Variants in INTS9 observed in about 807,000 individuals in gnomAD.
INTS9 encodes protein related to CPSF subunits of 74 kDa.
A neutral mutation model predicts 79.7 loss-of-function variants in INTS9; 55 were observed. That is an observed-to-expected ratio of 0.69 (90% CI 0.56 to 0.86). The LOEUF (loss-of-function observed/expected upper bound fraction) is 0.86. Among genes scored for constraint, INTS9 ranks in the 40% least tolerant of loss-of-function variants. The pLI is 0.00. For synonymous variants in INTS9, 319 were observed against 325.2 expected, an observed-to-expected ratio of 0.98 and a Z score of 0.20; for missense variants, 721 against 831.5, an observed-to-expected ratio of 0.87 and a Z score of 1.64.
intron 8 of INTS9, among the ~76,000 whole-genome samples, chr8:28,805,887 A>G (rs1804778423): frequency 6.6e-6 from 1 of 152,150 alleles, no homozygotes; most frequent in South Asian, 2.1e-4. Flanking sequence ...TACAATAGTC[A>G]TCACAAGAAA....
intron 13 of INTS9, chr8:28,776,391 T>C (rs1247739860): frequency 5.2e-5 from 8 of 153,188 alleles, no homozygotes; most frequent in African/African-American, 1.9e-4. Context: ...CCTCAGCTCA[T>C]GTGCTCACCA....
intron 9 of INTS9, among the ~76,000 whole-genome samples, chr8:28,795,206 G>A (rs1804138442): frequency 6.6e-6 from 1 of 152,178 alleles, no homozygotes. Context: ...GTTACGGACT[G>A]AATGTGTGTG....
Position 28,784,162 on chromosome 8 carries a change from A to G in INTS9, c.1099-3168T>C, listed in dbSNP as rs113795954. Reference sequence around the variant, plus strand: ...AACATTACCAAGGGTTGACTCCCTCATGCCCTAACAACGACAAGTGCACCT... The same window carrying G: ...AACATTACCAAGGGTTGACTCCCTCGTGCCCTAACAACGACAAGTGCACCT... On this transcript the variant is annotated intron_variant, in intron 11 of 16. Transcript: ENST00000521022. Among the ~76,000 whole-genome samples the G allele has an allele frequency of 3.3e-3, 502 of 152,344 alleles. 1 individual carries two copies. The highest frequency in any genetic ancestry group is 5.2e-3 in the Non-Finnish European group (355 of 68,034).
Position 28,837,760 on chromosome 8 carries a change from A to G in INTS9, c.278T>C (p.Leu93Pro). 6.2e-7 allele frequency: 1 copy of G among 1,613,194 alleles called. No homozygotes were observed. The highest frequency in any genetic ancestry group is 8.5e-7 in the Non-Finnish European group (1 of 1,179,268). The change falls in exon 5 of 17, where the codon CTG (leucine) becomes CCG (proline). Residue 93 changes from leucine to proline, a missense_variant. Coordinates refer to ENST00000521022, the MANE Select transcript of INTS9 (RefSeq NM_018250.4). ...FCLPETELID[L>P]STVDVILISN... ...GATGAGAATCACATCTACTGTAGAC[A>G]GATCTATTAGCTCCGTCTGAAAAGA...
chr8:28,806,704 C>T (rs1804836637), intron 8 of INTS9, among the ~76,000 whole-genome samples: 1 of 152,170 alleles, frequency 6.6e-6, no homozygotes, highest in Non-Finnish European at 1.5e-5. Context: ...TGCTTAAAAA[C>T]ATTTCCTCTA....
chr8:28,816,231 C>T (rs1805469687), intron 6 of INTS9, among the ~76,000 whole-genome samples: 1 of 151,024 alleles, frequency 6.6e-6, no homozygotes, highest in South Asian at 2.1e-4. Flanking sequence ...TATACATGTG[C>T]CATGCTGGTG....
chr8:28,773,161 A>G (rs1042298762), intron 14 of INTS9, among the ~76,000 whole-genome samples: 1 of 152,182 alleles, frequency 6.6e-6, no homozygotes, highest in African/African-American at 2.4e-5. Flanking sequence ...AAAACCAGAA[A>G]TGAAAATCTG....
intron 6 of INTS9, among the ~76,000 whole-genome samples, chr8:28,831,320 A>G (rs1806475746): frequency 6.6e-6 from 1 of 152,054 alleles, no homozygotes; most frequent in African/African-American, 2.4e-5. Context: ...TGTGCGGGGG[A>G]AGGGGGAGCA....
chr8:28,851,902 C>T (rs1322477583), intron 2 of INTS9, among the ~76,000 whole-genome samples: 1 of 152,096 alleles, frequency 6.6e-6, no homozygotes, highest in Non-Finnish European at 1.5e-5. Context: ...AGTGAGAATA[C>T]CATTTCATAC....
At position 28,867,440 on chromosome 8, in the gene INTS9, T is replaced by C. The variant is rs191370124; in HGVS notation, c.10-7877A>G. Among the ~76,000 whole-genome samples, 27 of 148,880 alleles carry C rather than the reference T, an allele frequency of 1.8e-4. No individual in the cohort carries two copies. In the East Asian group the frequency reaches 5.3e-3, roughly 29 times the overall value. ...TCTACAAAAAAAAATTAGCCAGGTG[T>C]GGTGGCGTGAGCCTTAATCCCAGCT... On this transcript the variant is annotated intron_variant, in intron 1 of 16. Coordinates refer to ENST00000521022, the MANE Select transcript of INTS9 (RefSeq NM_018250.4).
chr8:28,875,064 T>C (rs913224701), intron 1 of INTS9, among the ~76,000 whole-genome samples: 1 of 152,106 alleles, frequency 6.6e-6, no homozygotes, highest in African/African-American at 2.4e-5. Context: ...TGAGACACAT[T>C]TGCTATCATG....
intron 1 of INTS9, among the ~76,000 whole-genome samples, chr8:28,882,470 A>G (rs1186556310): frequency 6.8e-6 from 1 of 146,706 alleles, no homozygotes; most frequent in Non-Finnish European, 1.5e-5. Flanking sequence ...AAAAAAAAAA[A>G]AATAGAAATA....
At chr8:28,813,351 G>C in intron 7 of INTS9, 141 bp downstream of exon 7, 2 of 816,408 alleles carry the variant, frequency 2.4e-6, no homozygotes, top group East Asian at 5.0e-5. Context: ...ATCCTGCGCG[G>C]AACGGAGGAA....
chr8:28,817,440 G>A (rs912058173), intron 6 of INTS9, among the ~76,000 whole-genome samples: 1 of 151,996 alleles, frequency 6.6e-6, no homozygotes, highest in Non-Finnish European at 1.5e-5. Flanking sequence ...GTTTTTCTCA[G>A]GTTTGTCAAA....
chr8:28,803,183 A>G (rs549908254), intron 8 of INTS9, among the ~76,000 whole-genome samples: 2 of 152,306 alleles, frequency 1.3e-5, no homozygotes, highest in East Asian at 1.9e-4. Context: ...CTTTTGCTAT[A>G]CTATGCTGGG....
chr8:28,857,659 C>T (rs1054440742), intron 2 of INTS9, among the ~76,000 whole-genome samples: 3 of 151,994 alleles, frequency 2.0e-5, no homozygotes, highest in Non-Finnish European at 4.4e-5. Context: ...GTATGGAATA[C>T]AGAGAAGATA....
At chr8:28,880,433 T>A (rs934736304) in intron 1 of INTS9, among the ~76,000 whole-genome samples, 1 of 151,968 alleles carries the variant, frequency 6.6e-6, no homozygotes, top group Non-Finnish European at 1.5e-5. Context: ...TGGTTTTCGT[T>A]TTTTTTTGGT....
At chr8:28,790,623 C>T (rs551507293) in intron 10 of INTS9, among the ~76,000 whole-genome samples, 5 of 152,258 alleles carry the variant, frequency 3.3e-5, no homozygotes, top group Admixed American at 6.5e-5. Context: ...CCACCCTGAT[C>T]GGCCTCTTCT....
At chr8:28,863,738 C>T (rs902568367) in intron 1 of INTS9, among the ~76,000 whole-genome samples, 35 of 152,096 alleles carry the variant, frequency 2.3e-4, no homozygotes, top group Non-Finnish European at 4.4e-4. Flanking sequence ...GTTGAGATCA[C>T]GCCACTGCAC....
Sources: gnomAD v4.1 joint callset for allele counts (sites outside exome capture counted in the v4.1 genomes callset) on GRCh38, gnomAD v4.1.1 for gene constraint, MANE v1.5 for transcripts, NCBI Gene and HGNC (gene_info 2026-07-23, HGNC 2026-07-21) for gene names.